Variants in KCNMA1 observed in about 807,000 individuals in gnomAD.
KCNMA1 encodes potassium calcium-activated channel subfamily M alpha 1, also known as Calcium-activated potassium channel subunit alpha-1.
Under a neutral mutation model 140.0 loss-of-function variants are expected in KCNMA1, and 29 were observed. That is an observed-to-expected ratio of 0.21 (90% confidence interval 0.15 to 0.28). KCNMA1 has a LOEUF of 0.28. Among genes scored for constraint, KCNMA1 ranks in the 10% least tolerant of loss-of-function variants. KCNMA1 has a pLI of 1.00. For missense variants in KCNMA1, 880 were observed against 1,602.2 expected (o/e 0.55, Z 7.70); for synonymous variants, 612 against 611.9 (o/e 1.00, Z 0.00).
rs539479930 is a variant in KCNMA1, at chr10:77,562,518, T to C, written c.378+74747A>G. ...CAAGCAAACAAAGCTGTAACCATAA[T>C]AACCTTTACAAAGTCTACTACCACA... is the stretch of plus-strand genomic sequence containing the variant. On this transcript the variant is annotated intron_variant, in intron 1 of 27. Coordinates refer to ENST00000286628, the MANE Select transcript of KCNMA1 (RefSeq NM_001161352.2). 4.6e-5 allele frequency among the ~76,000 whole-genome samples: 7 copies of C among 152,330 alleles called. No homozygotes were observed. In the South Asian group the frequency reaches 1.2e-3, roughly 27 times the overall value.
chr10:76,888,448 A>G (rs2038296367), intron 27 of KCNMA1, among the ~76,000 whole-genome samples: 1 of 152,200 alleles, frequency 6.6e-6, no homozygotes, highest in Non-Finnish European at 1.5e-5. Flanking sequence ...TAGAGTAATC[A>G]GAATATTTTT....
chr10:77,006,724 G>A (rs1379507985), intron 18 of KCNMA1, among the ~76,000 whole-genome samples: 1 of 152,202 alleles, frequency 6.6e-6, no homozygotes, highest in African/African-American at 2.4e-5. Flanking sequence ...GAAGTATTTG[G>A]CACTAGAGTT....
At chr10:77,159,104 T>C (rs1345213905) in intron 5 of KCNMA1, among the ~76,000 whole-genome samples, 1 of 152,192 alleles carries the variant, frequency 6.6e-6, no homozygotes, top group Non-Finnish European at 1.5e-5. Flanking sequence ...AGAGAATATA[T>C]GACACGGCTG....
intron 1 of KCNMA1, among the ~76,000 whole-genome samples, chr10:77,510,050 C>A (rs748261476): frequency 2.0e-5 from 3 of 152,176 alleles, no homozygotes; most frequent in Non-Finnish European, 4.4e-5. Flanking sequence ...TTTCTCCCCA[C>A]TCCTACCCCC....
intron 15 of KCNMA1, among the ~76,000 whole-genome samples, chr10:77,033,165 C>A (rs1011842848): frequency 2.0e-5 from 3 of 152,140 alleles, no homozygotes; most frequent in Non-Finnish European, 2.9e-5. Context: ...CATTGGGAAA[C>A]AAGGTCTTCT....
intron 3 of KCNMA1, among the ~76,000 whole-genome samples, chr10:77,228,256 C>T (rs2052260021): frequency 6.6e-6 from 1 of 152,224 alleles, no homozygotes; most frequent in Non-Finnish European, 1.5e-5. Flanking sequence ...TGAGCCACCA[C>T]ACCCGGCCTA....
intron 1 of KCNMA1, among the ~76,000 whole-genome samples, chr10:77,513,672 G>C (rs1485929940): frequency 6.6e-6 from 1 of 152,202 alleles, no homozygotes; most frequent in Non-Finnish European, 1.5e-5. Context: ...GATGATTCAA[G>C]AAATAAACCA....
intron 1 of KCNMA1, among the ~76,000 whole-genome samples, chr10:77,525,491 T>C (rs2055234866): frequency 1.3e-5 from 2 of 152,126 alleles, no homozygotes; most frequent in African/African-American, 4.8e-5. Flanking sequence ...CCTGCCAACA[T>C]TTTCCCACCC....
intron 1 of KCNMA1, among the ~76,000 whole-genome samples, chr10:77,626,099 G>A (rs1000847112): frequency 3.3e-5 from 5 of 151,366 alleles, no homozygotes; most frequent in African/African-American, 9.7e-5. Flanking sequence ...CACGGCCTAC[G>A]TTTTCTACAA....
chr10:77,141,797 T>C (rs11002042), intron 5 of KCNMA1, among the ~76,000 whole-genome samples: 3,352 of 152,310 alleles, frequency 0.022, 55 homozygotes, highest in Non-Finnish European at 0.036. Flanking sequence ...TCCTCATAAT[T>C]TAATCCCCAC....
At chr10:77,290,949 A>C (rs1418831914) in intron 2 of KCNMA1, among the ~76,000 whole-genome samples, 1 of 152,204 alleles carries the variant, frequency 6.6e-6, no homozygotes, top group African/African-American at 2.4e-5. Context: ...GAAGGCTCGG[A>C]GATTTGATAT....
intron 9 of KCNMA1, among the ~76,000 whole-genome samples, chr10:77,106,306 C>T (rs1034023370): frequency 1.3e-4 from 19 of 151,816 alleles, no homozygotes; most frequent in African/African-American, 4.1e-4. Flanking sequence ...AGGCTAAAAG[C>T]GGTGATAAAA....
At chr10:77,118,476 C>T (rs1030234954) in intron 6 of KCNMA1, among the ~76,000 whole-genome samples, 4 of 152,218 alleles carry the variant, frequency 2.6e-5, no homozygotes, top group African/African-American at 9.7e-5. Context: ...TTCCTACCCT[C>T]TTAACCTCAT....
chr10:77,119,923 A>C (rs886195794), intron 6 of KCNMA1, among the ~76,000 whole-genome samples: 9 of 152,212 alleles, frequency 5.9e-5, no homozygotes, highest in African/African-American at 1.9e-4. Context: ...AGCAAAAAAA[A>C]CACTAACACC....
chr10:77,340,499 T>C (rs1289676712), intron 2 of KCNMA1, among the ~76,000 whole-genome samples: 1 of 151,994 alleles, frequency 6.6e-6, no homozygotes, highest in Non-Finnish European at 1.5e-5. Context: ...TAAGAAAATG[T>C]GCACATATAC....
rs199674898 is a variant in KCNMA1, at chr10:77,079,470, C to T, written c.1593+11G>A. The stretch of plus-strand genomic sequence containing the variant: ...GGTCTTCAGACCTGGAGCGGGCTCT[C>T]GCACTCCTACCTTGTTGTGATACTG... On this transcript the variant is annotated intron_variant, in intron 13 of 27. Transcript: ENST00000286628. The T allele has an allele frequency of 6.9e-6, 11 of 1,600,286 alleles. No individual in the cohort carries two copies. Among genetic ancestry groups the T allele is most frequent in the African/African-American group, 2.7e-5 (2 of 74,454 alleles).
intron 2 of KCNMA1, among the ~76,000 whole-genome samples, chr10:77,252,556 T>TGTGTGC (rs1341882275): frequency 1.9e-3 from 287 of 149,300 alleles, no homozygotes; most frequent in African/African-American, 6.4e-3. Flanking sequence ...TGTGTGTGTG[T>TGTGTGC]GCGGGCACGT....
intron 18 of KCNMA1, among the ~76,000 whole-genome samples, chr10:77,007,859 C>T (rs2089548656): frequency 6.6e-6 from 1 of 151,770 alleles, no homozygotes; most frequent in South Asian, 2.1e-4. Context: ...CTTAAAAGTC[C>T]TGAGACAAGG....
intron 1 of KCNMA1, among the ~76,000 whole-genome samples, chr10:77,551,727 C>A (rs550408200): frequency 6.6e-6 from 1 of 152,344 alleles, no homozygotes; most frequent in South Asian, 2.1e-4. Context: ...GGAAGAGCCT[C>A]TTTCCCCTAA....
Sources: gnomAD v4.1 joint callset for allele counts (sites outside exome capture counted in the v4.1 genomes callset) on GRCh38, gnomAD v4.1.1 for gene constraint, MANE v1.5 for transcripts, NCBI Gene and HGNC (gene_info 2026-07-23, HGNC 2026-07-21) for gene names.